Variants in RBFOX2 observed in about 807,000 individuals in gnomAD.
RBFOX2 encodes RNA binding fox-1 homolog 2.
RBFOX2 carries 10 observed loss-of-function variants against 49.1 expected under a neutral mutation model. The ratio of observed to expected loss-of-function variants is 0.20; its 90% confidence interval spans 0.13 to 0.35. The LOEUF (loss-of-function observed/expected upper bound fraction) is 0.35, where lower values mean the gene tolerates loss of function less well. Among genes scored for constraint, RBFOX2 ranks in the 10% least tolerant of loss-of-function variants. RBFOX2 has a pLI of 1.00. For missense variants in RBFOX2, 323 were observed against 486.9 expected (o/e 0.66, Z 3.17); for synonymous variants, 183 against 187.4 (o/e 0.98, Z 0.19).
At chr22:35,830,502 G>T (rs1360312530) in intron 1 of RBFOX2, among the ~76,000 whole-genome samples, 1 of 152,204 alleles carries the variant, frequency 6.6e-6, no homozygotes, top group East Asian at 1.9e-4. Context: ...TTAAGCAAGT[G>T]TCTTTGTGTG....
At chr22:35,991,172 A>C (rs1290578556) in intron 1 of RBFOX2, among the ~76,000 whole-genome samples, 1 of 152,162 alleles carries the variant, frequency 6.6e-6, no homozygotes, top group East Asian at 1.9e-4. Flanking sequence ...AGTCCTGAGA[A>C]AGAAAACAAA....
chr22:35,923,332 C>CT (rs1169060618), intron 1 of RBFOX2, among the ~76,000 whole-genome samples: 4 of 150,214 alleles, frequency 2.7e-5, no homozygotes, highest in Admixed American at 1.3e-4. Context: ...CCTTTCATAT[C>CT]TTTTTTTTCT....
intron 1 of RBFOX2, among the ~76,000 whole-genome samples, chr22:35,887,571 T>C (rs1193181738): frequency 6.6e-6 from 1 of 152,182 alleles, no homozygotes; most frequent in Middle Eastern, 3.2e-3. Flanking sequence ...TACTCCCCAT[T>C]ACCATATAGT....
chr22:35,831,707 G>C (rs1459975642), intron 1 of RBFOX2, among the ~76,000 whole-genome samples: 2 of 152,160 alleles, frequency 1.3e-5, no homozygotes, highest in South Asian at 2.1e-4. Context: ...TCTCAGTTAA[G>C]AGTCTTTTCA....
intron 1 of RBFOX2, among the ~76,000 whole-genome samples, chr22:36,018,990 G>C (rs1230377509): frequency 6.6e-6 from 1 of 152,020 alleles, no homozygotes; most frequent in Admixed American, 6.6e-5. Context: ...GGGACCACAA[G>C]AGACAACACA....
chr22:35,951,786 C>T (rs1438675868), intron 1 of RBFOX2, among the ~76,000 whole-genome samples: 1 of 152,166 alleles, frequency 6.6e-6, no homozygotes, highest in Non-Finnish European at 1.5e-5. Flanking sequence ...AATTTTTCCC[C>T]CATATTACAA....
intron 1 of RBFOX2, among the ~76,000 whole-genome samples, chr22:35,866,180 G>C (rs2043658986): frequency 6.6e-6 from 1 of 152,130 alleles, no homozygotes; most frequent in Admixed American, 6.6e-5. Flanking sequence ...AGACTTTTGG[G>C]GGTATACCAG....
intron 1 of RBFOX2, among the ~76,000 whole-genome samples, chr22:35,855,110 C>T (rs964205613): frequency 1.4e-4 from 22 of 152,038 alleles, no homozygotes; most frequent in African/African-American, 5.1e-4. Flanking sequence ...ATTTTCAACT[C>T]AGAAATTACT....
At chr22:35,976,755 G>A (rs928362847) in intron 1 of RBFOX2, among the ~76,000 whole-genome samples, 1 of 152,074 alleles carries the variant, frequency 6.6e-6, no homozygotes, top group Non-Finnish European at 1.5e-5. Flanking sequence ...CTGAGGTCAG[G>A]AGTTCAAGGC....
exon 2 of RBFOX2, chr22:35,809,817 C>T: frequency 6.2e-7 from 1 of 1,614,034 alleles, no homozygotes; most frequent in South Asian, 1.1e-5. Flanking sequence ...TGAGTTGCTG[C>T]TCTGCTCCCC....
At chr22:36,002,905 C>T (rs147323157) in intron 1 of RBFOX2, among the ~76,000 whole-genome samples, 2,738 of 152,394 alleles carry the variant, frequency 0.018, 27 homozygotes, top group Middle Eastern at 0.027. Flanking sequence ...GGATTATAGG[C>T]ATGAGCCACC....
intron 1 of RBFOX2, among the ~76,000 whole-genome samples, chr22:35,861,499 A>T (rs1436875194): frequency 6.6e-6 from 1 of 152,200 alleles, no homozygotes; most frequent in Non-Finnish European, 1.5e-5. Flanking sequence ...AAAAAAATGA[A>T]CACCTGATTA....
exon 2 of RBFOX2, chr22:35,809,936 T>C: frequency 6.2e-7 from 1 of 1,613,682 alleles, no homozygotes; most frequent in Non-Finnish European, 8.5e-7. Context: ...TCTGCGGAGG[T>C]GGTGGAAATG....
chr22:35,847,298 G>A lies in RBFOX2; in HGVS notation c.-33-37294C>T, dbSNP rs951361803. On this transcript the variant is annotated intron_variant, in intron 1 of 13. Coordinates refer to the RBFOX2 transcript ENST00000359369. ...TACCTAAAATATTTTCGAACTTTCT[G>A]TTGAAGAGAACTCACTTTGTTTCAT... Among the ~76,000 whole-genome samples the A allele has an allele frequency of 2.1e-4, 32 of 152,304 alleles. 1 individual carries two copies. The highest frequency in any genetic ancestry group is 7.5e-4 in the African/African-American group (31 of 41,576).
intron 1 of RBFOX2, chr22:35,994,240 A>AAATCCAATTTTATTG (rs1381448994): frequency 5.3e-5 from 8 of 152,064 alleles, no homozygotes; most frequent in Non-Finnish European, 1.2e-4. Context: ...AACACAGTTA[A>AAATCCAATTTTATTG]AATATTAGCA....
chr22:35,813,950 AT>A (rs1235170341), intron 1 of RBFOX2, among the ~76,000 whole-genome samples: 3 of 152,194 alleles, frequency 2.0e-5, no homozygotes, highest in African/African-American at 7.2e-5. Context: ...AAGAATCAAC[AT>A]TTACATGCTT....
At chr22:35,868,394 C>G (rs991727771) in intron 1 of RBFOX2, among the ~76,000 whole-genome samples, 1 of 152,064 alleles carries the variant, frequency 6.6e-6, no homozygotes, top group African/African-American at 2.4e-5. Flanking sequence ...TTGTTACTTC[C>G]CATTTTAAAC....
chr22:35,998,313 T>C (rs1251924391), intron 1 of RBFOX2: 1 of 152,066 alleles, frequency 6.6e-6, no homozygotes, highest in Non-Finnish European at 1.5e-5. Context: ...TTACAGACCA[T>C]CTCCTAGATC....
chr22:35,919,564 C>T (rs947669951), intron 1 of RBFOX2, among the ~76,000 whole-genome samples: 5 of 151,284 alleles, frequency 3.3e-5, no homozygotes, highest in South Asian at 4.2e-4. Flanking sequence ...GTGATAACTA[C>T]GGGGAATGGA....
Sources: gnomAD v4.1 joint callset for allele counts (sites outside exome capture counted in the v4.1 genomes callset) on GRCh38, gnomAD v4.1.1 for gene constraint, MANE v1.5 for transcripts, NCBI Gene and HGNC (gene_info 2026-07-23, HGNC 2026-07-21) for gene names.